Variants in KLF7 observed in about 807,000 individuals in gnomAD.
KLF7 encodes the protein Krueppel-like factor 7.
In KLF7, 2 loss-of-function variants were observed where a neutral mutation model predicts 27.3. The observed-to-expected ratio is 0.07, with a 90% CI of 0.03 to 0.23. The LOEUF (loss-of-function observed/expected upper bound fraction) is 0.23, where lower values mean the gene tolerates loss of function less well. KLF7 is among the 10% of genes least tolerant of loss of function. The pLI, the probability that KLF7 is intolerant of heterozygous loss-of-function variation, is 1.00. For missense variants in KLF7, 221 were observed against 394.1 expected (o/e 0.56, Z 3.72); for synonymous variants, 165 against 162.4 (o/e 1.02, Z -0.12).
chr2:207,081,128 TC>T lies in KLF7; in HGVS notation c.*84del. ...GAACTTTCTTCTGCGAGGCAATGGG[TC>T]CCCGCCTGAAGTCCAGCCCCCTGCC... On this transcript the variant is annotated 3_prime_UTR_variant, in exon 4 of 4. Coordinates refer to ENST00000309446, the MANE Select transcript of KLF7 (RefSeq NM_003709.4). 8.6e-7 allele frequency: 1 copy of T among 1,162,594 alleles called. No individual in the cohort carries two copies. The highest frequency in any genetic ancestry group is 1.3e-6 in the Non-Finnish European group (1 of 769,368). The allele number at this position is 1,162,594 out of a possible 1,614,324, so 72.0% of individuals were successfully genotyped here.
At chr2:207,167,276 G>T, upstream of KLF7, 1 of 725,358 alleles carries the variant, frequency 1.4e-6, no homozygotes, top group Non-Finnish European at 1.9e-6. Context: ...ATTCACGTTA[G>T]GGTTGGCCAA....
At chr2:207,129,986 T>A (rs1265226106) in intron 1 of KLF7, among the ~76,000 whole-genome samples, 1 of 152,166 alleles carries the variant, frequency 6.6e-6, no homozygotes, top group Non-Finnish European at 1.5e-5. Flanking sequence ...TATAAGACAT[T>A]TGGTTATATA....
At chr2:207,166,197 G>C (rs755502012), upstream of KLF7, 5 of 985,560 alleles carry the variant, frequency 5.1e-6, no homozygotes, top group Non-Finnish European at 6.0e-6. Context: ...GACCATGTAA[G>C]GTAAACAGGG....
At chr2:207,166,383 G>C (rs1446612543), upstream of KLF7, 1 of 167,666 alleles carries the variant, frequency 6.0e-6, no homozygotes, top group Non-Finnish European at 1.2e-5. Flanking sequence ...GCCGCCCGGC[G>C]GCCGGGCAGC....
intron 3 of KLF7, among the ~76,000 whole-genome samples, chr2:207,084,294 G>C (rs1409077566): frequency 6.6e-6 from 1 of 152,038 alleles, no homozygotes; most frequent in Non-Finnish European, 1.5e-5. Flanking sequence ...GGGAACTCTC[G>C]GGAAATGAGT....
chr2:207,123,653 CCTGT>C (rs2077398620), intron 2 of KLF7, 117 bp downstream of exon 2: 5 of 1,101,276 alleles, frequency 4.5e-6, no homozygotes, highest in South Asian at 1.6e-5. Flanking sequence ...GGGCCTCCCG[CCTGT>C]CTATCACCTC....
chr2:207,136,068 T>A (rs1437348926), intron 1 of KLF7, among the ~76,000 whole-genome samples: 1 of 152,200 alleles, frequency 6.6e-6, no homozygotes, highest in African/African-American at 2.4e-5. Context: ...CATTTTTTAT[T>A]GGTGAAAAGA....
chr2:207,165,848 A>G lies in KLF7; in HGVS notation c.-280T>C, dbSNP rs1421443237. The G allele has an allele frequency of 2.3e-6, 3 of 1,292,128 alleles. No individual in the cohort carries two copies. In the African/African-American group the frequency reaches 4.4e-5, roughly 19 times the overall value. The allele number at this position is 1,292,128 out of a possible 1,614,324, so 80.0% of individuals were successfully genotyped here. A position where few individuals can be genotyped will look rare whatever the true frequency, so the allele number is the denominator to read the frequency against. On this transcript the variant is annotated 5_prime_UTR_variant, in exon 1 of 4. Coordinates refer to ENST00000309446, the MANE Select transcript of KLF7 (RefSeq NM_003709.4). ...GAAAAGGGGACTTCTCCACGGGAGTAACAATTCCCTTCCAGGGCTCTAATC... is the reference window on the plus strand; with the variant it reads ...GAAAAGGGGACTTCTCCACGGGAGTGACAATTCCCTTCCAGGGCTCTAATC...
intron 1 of KLF7, among the ~76,000 whole-genome samples, chr2:207,128,871 G>T (rs1011257057): frequency 3.3e-5 from 5 of 152,196 alleles, no homozygotes; most frequent in African/African-American, 7.2e-5. Flanking sequence ...AGAATAAGGA[G>T]ATATGGCAAC....
intron 2 of KLF7, among the ~76,000 whole-genome samples, chr2:207,094,894 T>C (rs1358771341): frequency 6.6e-6 from 1 of 152,158 alleles, no homozygotes; most frequent in Non-Finnish European, 1.5e-5. Flanking sequence ...TAAATTAAAA[T>C]GTACTCATTG....
chr2:207,118,672 T>C (rs2077255409), intron 2 of KLF7, among the ~76,000 whole-genome samples: 2 of 152,200 alleles, frequency 1.3e-5, no homozygotes, highest in Admixed American at 1.3e-4. Flanking sequence ...ATTTTCCTCA[T>C]CTATAAAATA....
At chr2:207,095,201 C>A (rs1229593553) in intron 2 of KLF7, among the ~76,000 whole-genome samples, 1 of 151,918 alleles carries the variant, frequency 6.6e-6, no homozygotes, top group Non-Finnish European at 1.5e-5. Flanking sequence ...GCTCCAGCCA[C>A]CACGTCCAGC....
Position 207,165,395 on chromosome 2 carries a change from A to G in KLF7, c.102+72T>C. On this transcript the variant is annotated intron_variant, in intron 1 of 3. Transcript: ENST00000309446. ...CAAACAAACAAAAATTTCAACCCAG[A>G]GCCCACACCAACGCAGCCCCTGCGT... is the stretch of plus-strand genomic sequence containing the variant. 2.5e-6 allele frequency: 4 copies of G among 1,603,702 alleles called. No individual in the cohort carries two copies. The South Asian group carries it at 4.4e-5, about 18-fold the overall frequency.
At chr2:207,148,441 G>C (rs76772761) in intron 1 of KLF7, among the ~76,000 whole-genome samples, 1,996 of 152,198 alleles carry the variant, frequency 0.013, 16 homozygotes, top group Non-Finnish European at 0.02. Flanking sequence ...TGCTTCCCAT[G>C]GTCATTCTAC....
chr2:207,168,174 C>T (rs564444744), upstream of KLF7, among the ~76,000 whole-genome samples: 40 of 152,224 alleles, frequency 2.6e-4, no homozygotes, highest in African/African-American at 9.6e-4. Flanking sequence ...GCAAGACCAA[C>T]CATATAATTT....
chr2:207,129,310 G>A (rs573427747), intron 1 of KLF7, among the ~76,000 whole-genome samples: 12 of 152,274 alleles, frequency 7.9e-5, no homozygotes, highest in South Asian at 2.1e-4. Context: ...CACTCACCTC[G>A]GAGGTACAAG....
intron 1 of KLF7, among the ~76,000 whole-genome samples, chr2:207,157,331 T>C (rs746954193): frequency 6.6e-6 from 1 of 152,000 alleles, no homozygotes; most frequent in Non-Finnish European, 1.5e-5. Context: ...CAGTTACAGT[T>C]GGCTGGTAGC....
intron 1 of KLF7, chr2:207,149,102 A>T (rs2078173404): frequency 1.6e-6 from 2 of 1,272,234 alleles, no homozygotes; most frequent in Non-Finnish European, 2.0e-6. Context: ...GGGACTGATA[A>T]ATCTGTCTTT....
At chr2:207,134,971 T>C (rs999022341) in intron 1 of KLF7, among the ~76,000 whole-genome samples, 10 of 152,324 alleles carry the variant, frequency 6.6e-5, no homozygotes, top group African/African-American at 2.2e-4. Flanking sequence ...ACTAGTGTTA[T>C]TTTTCATTAC....
Sources: allele counts gnomAD v4.1 joint callset (sites outside exome capture counted in the v4.1 genomes callset), GRCh38; gene constraint gnomAD v4.1.1; transcripts MANE v1.5; gene names NCBI Gene and HGNC (gene_info 2026-07-23, HGNC 2026-07-21).